The following IGSF1 variants were observed in gnomAD, a reference collection of about 807,000 sequenced individuals.
The protein encoded by IGSF1 is immunoglobulin superfamily member 1, also known as immunoglobulin-like domain-containing protein 1.
In IGSF1, 40 loss-of-function variants were observed where a neutral mutation model predicts 95.3. That is an observed-to-expected ratio of 0.42 (90% CI 0.33 to 0.55). The LOEUF (loss-of-function observed/expected upper bound fraction) is 0.55, where lower values mean the gene tolerates loss of function less well. Ranked by LOEUF, IGSF1 falls within the 20% of genes least tolerant of loss-of-function variation. The pLI, the probability that IGSF1 is intolerant of heterozygous loss-of-function variation, is 0.10. For synonymous variants in IGSF1, 372 were observed against 382.9 expected (o/e 0.97, Z 0.33); for missense variants, 906 against 1,025.4 (o/e 0.88, Z 1.59).
chrX:131,275,437 T>G lies in IGSF1; in HGVS notation c.3184+41A>C, dbSNP rs778583116. 5.5e-5 allele frequency: 65 copies of G among 1,184,096 alleles called. No individual in the cohort carries two copies. In the South Asian group the frequency reaches 1.2e-3, roughly 21 times the overall value. On this transcript the variant is annotated intron_variant, in intron 16 of 19. Coordinates refer to ENST00000361420, the MANE Select transcript of IGSF1 (RefSeq NM_001555.5). Reference sequence around the variant, plus strand: ...CCCATGAACTAGTCTATTCCCTCCTTTCTACACTTCCATGCCCACTCGACA... The same window carrying G: ...CCCATGAACTAGTCTATTCCCTCCTGTCTACACTTCCATGCCCACTCGACA...
intron 3 of IGSF1, 149 bp downstream of exon 3, chrX:131,286,288 C>T: frequency 1.8e-6 from 1 of 549,570 alleles, no homozygotes; most frequent in Non-Finnish European, 3.0e-6. Context: ...AAAGCTTTTT[C>T]ACCATGCCAT....
rs376358533 is a variant in IGSF1, at chrX:131,279,202, C to G, written c.1718-27G>C. ...TGCAAAAGAAATTGCTGCCAGGACT[C>G]GGCCCCCTCCCCCACCGGGACTTCA... On this transcript the variant is annotated intron_variant, in intron 10 of 19. Transcript: ENST00000361420. 3.6e-5 allele frequency: 44 copies of G among 1,208,781 alleles called. No individual in the cohort carries two copies. The highest frequency in any genetic ancestry group is 4.5e-5 in the Non-Finnish European group (40 of 894,043).
rs769568035 is a variant in IGSF1, at chrX:131,278,423, C to G, written c.2041+38G>C. The stretch of plus-strand genomic sequence containing the variant: ...GAGCAGTGTTGGAGTCCCAGGGGCA[C>G]TGGGGATAACTCCCGGAGACCCTCT... On this transcript the variant is annotated intron_variant, in intron 12 of 19. Coordinates refer to ENST00000361420, the MANE Select transcript of IGSF1 (RefSeq NM_001555.5). The G allele has an allele frequency of 3.6e-6, 4 of 1,126,228 alleles. No homozygotes were observed. The African/African-American group carries it at 5.5e-5, about 15-fold the overall frequency. The allele number at this position is 1,126,228 out of a possible 1,213,427, so 92.8% of individuals were successfully genotyped here.
rs770756120 is a variant in IGSF1, at chrX:131,276,425, TTTAA to T, written c.2609-181_2609-178del. On this transcript the variant is annotated intron_variant, in intron 14 of 19. Coordinates refer to ENST00000361420, the MANE Select transcript of IGSF1 (RefSeq NM_001555.5). ...CACTCAAAGATAAATATTTTTAATA[TTTAA>T]TTGCCATTTATTCTTTCCATATATT... Among the ~76,000 whole-genome samples the T allele has an allele frequency of 1.1e-3, 100 of 90,804 alleles. 1 individual carries two copies. Among genetic ancestry groups the T allele is most frequent in the Non-Finnish European group, 8.4e-4 (37 of 43,899 alleles). 78.9% of individuals were successfully genotyped at this position (90,804 alleles called of 115,157 possible).
intron 9 of IGSF1, among the ~76,000 whole-genome samples, chrX:131,280,308 C>T (rs1349240974): frequency 1.8e-5 from 2 of 111,636 alleles, no homozygotes; most frequent in African/African-American, 6.5e-5. Context: ...CTTCTGATTG[C>T]CCAAGTATTC....
In IGSF1 at chrX:131,282,562, T is replaced by A; in HGVS notation, c.1128A>T (p.Ser376=). ...TGTAGGTTACATTGTTGAGGAAGAA[T>A]GATGTGTTGTCATCGATGCTGGTGG... The part of the protein sequence containing the change: ...LDATSIDDNT[S]FFLNNVTYSD... The change falls in exon 7 of 20, where the codon TCA becomes TCT. Residue 376 remains serine (S), a synonymous_variant. Coordinates refer to ENST00000361420, the MANE Select transcript of IGSF1 (RefSeq NM_001555.5). 8.3e-7 allele frequency: 1 copy of A among 1,210,480 alleles called. No homozygotes were observed. Among genetic ancestry groups the A allele is most frequent in the Non-Finnish European group, 1.1e-6 (1 of 894,377 alleles).
At chrX:131,288,827 C>CT (rs1333225688) in intron 1 of IGSF1, among the ~76,000 whole-genome samples, 5 of 108,806 alleles carry the variant, frequency 4.6e-5, no homozygotes, top group Non-Finnish European at 7.6e-5. Context: ...TTTCCCCACC[C>CT]TTAGGCAGCG....
chrX:131,277,234 G>T lies in IGSF1; in HGVS notation c.2321-8C>A. 1 of 1,146,396 alleles carries T rather than the reference G, an allele frequency of 8.7e-7. No individual in the cohort carries two copies. Among genetic ancestry groups the T allele is most frequent in the Admixed American group, 2.9e-5 (1 of 34,448 alleles). The allele number at this position is 1,146,396 out of a possible 1,213,427, so 94.5% of individuals were successfully genotyped here. On this transcript the variant is annotated splice_polypyrimidine_tract_variant and splice_region_variant and intron_variant, in intron 13 of 19. Coordinates refer to ENST00000361420, the MANE Select transcript of IGSF1 (RefSeq NM_001555.5). The stretch of plus-strand genomic sequence containing the variant: ...AGGGCTTAGGGTACATTTCTAGAAG[G>T]CAAAAAACAAAAACAAAAACAAAAA...
Position 131,275,281 on chromosome X carries a change from G to A in IGSF1, c.3190C>T (p.Leu1064Phe), listed in dbSNP as rs1322638814. Reference sequence around the variant, plus strand: ...TGGGCTAATAGGCTGGGTTTGGGGAGTAAGCCTGGAAGAAATGAACTCCTG... The same window carrying A: ...TGGGCTAATAGGCTGGGTTTGGGGAATAAGCCTGGAAGAAATGAACTCCTG... ...NTLELLVTGL[L>F]PKPSLLAQPG... is the part of the protein sequence containing the mutation. The change falls in exon 17 of 20, where the codon CTC becomes TTC. Residue 1064 changes from leucine (L) to phenylalanine (F), a missense_variant. Coordinates refer to ENST00000361420, the MANE Select transcript of IGSF1 (RefSeq NM_001555.5). 6 of 1,210,424 alleles carry A rather than the reference G, an allele frequency of 5.0e-6. No homozygotes were observed. The South Asian group carries it at 1.1e-4, about 21-fold the overall frequency.
chrX:131,278,860 C>G lies in IGSF1; in HGVS notation c.1751-109G>C, dbSNP rs749700799. On this transcript the variant is annotated intron_variant, in intron 11 of 19. Coordinates refer to ENST00000361420, the MANE Select transcript of IGSF1 (RefSeq NM_001555.5). The stretch of plus-strand genomic sequence containing the variant: ...ACACTGCCCACCTCCCCTTGCAACC[C>G]AAATCCAAACCCTTTCCTTCTTTCC... 5 of 724,357 alleles carry G rather than the reference C, an allele frequency of 6.9e-6. No homozygotes were observed. In the South Asian group the frequency reaches 1.0e-4, roughly 15 times the overall value. The allele number at this position is 724,357 out of a possible 1,213,427, so 59.7% of individuals were successfully genotyped here. A position where few individuals can be genotyped will look rare whatever the true frequency, so the allele number is the denominator to read the frequency against.
intron 1 of IGSF1, 29 bp from the exon 2 acceptor site, chrX:131,286,770 G>A: frequency 1.4e-6 from 1 of 709,980 alleles, no homozygotes; most frequent in Non-Finnish European, 2.0e-6. Context: ...TTACTCAGAG[G>A]ACTTGTCCTG....
At chrX:131,281,055 C>A (rs2080551074) in intron 9 of IGSF1, 163 bp downstream of exon 9, 6 of 533,924 alleles carry the variant, frequency 1.1e-5, no homozygotes, top group Non-Finnish European at 1.9e-5. Context: ...GCTGACCCCT[C>A]TGTGAGGCGA....
At chrX:131,285,047 A>C (rs1490553750) in intron 5 of IGSF1, 132 bp downstream of exon 5, 1 of 1,054,734 alleles carries the variant, frequency 9.5e-7, no homozygotes, top group East Asian at 3.3e-5. Context: ...AAAACTTCAA[A>C]CGACTGTAGC....
rs1486241685 is a variant in IGSF1, at chrX:131,276,166, C to G, written c.2691G>C (p.Gly897=). 1 of 1,209,721 alleles carries G rather than the reference C, an allele frequency of 8.3e-7. No individual in the cohort carries two copies. The highest frequency in any genetic ancestry group is 2.2e-5 in the Admixed American group (1 of 45,758). The change falls in exon 15 of 20, where the codon GGG becomes GGC. Residue 897 remains glycine, a synonymous_variant. Coordinates refer to ENST00000361420, the MANE Select transcript of IGSF1 (RefSeq NM_001555.5). ...GGGCGAACCTCATGCCCTGGAAAGT[C>G]CCTTGGCAGCGCAGGATCACACTCT... The part of the protein sequence containing the change: ...PGKSVILRCQ[G]TFQGMRFALL...
At chrX:131,276,355 T>A in intron 14 of IGSF1, 107 bp from the exon 15 acceptor site, 1 of 593,576 alleles carries the variant, frequency 1.7e-6, no homozygotes, top group Non-Finnish European at 2.5e-6. Flanking sequence ...TGTTAAAAAT[T>A]AGAAAATATA....
intron 5 of IGSF1, 35 bp from the exon 6 acceptor site, chrX:131,283,299 G>A (rs1202352031): frequency 9.0e-7 from 1 of 1,109,671 alleles, no homozygotes; most frequent in Non-Finnish European, 1.2e-6. Context: ...TTAGAGGCAA[G>A]ATGATTCTTT....
chrX:131,288,933 C>T (rs979747868), intron 1 of IGSF1: 1 of 229,090 alleles, frequency 4.4e-6, no homozygotes, highest in Non-Finnish European at 8.2e-6. Flanking sequence ...TTGGGCTCGG[C>T]GGGGTGCCGG....
chrX:131,282,010 T>C, intron 7 of IGSF1, 66 bp from the exon 8 acceptor site: 12 of 999,635 alleles, frequency 1.2e-5, no homozygotes, highest in Non-Finnish European at 1.6e-5. Context: ...CCCCAGAAAA[T>C]GTTTCTGAGC....
Position 131,279,194 on chromosome X carries a change from C to T in IGSF1, c.1718-19G>A. ...CACAGTCCTGCAAAAGAAATTGCTG[C>T]CAGGACTCGGCCCCCTCCCCCACCG... On this transcript the variant is annotated intron_variant, in intron 10 of 19. Coordinates refer to ENST00000361420, the MANE Select transcript of IGSF1 (RefSeq NM_001555.5). 8.3e-7 allele frequency: 1 copy of T among 1,211,007 alleles called. No homozygotes were observed. The highest frequency in any genetic ancestry group is 1.8e-5 in the South Asian group (1 of 56,955).
Sources: allele counts gnomAD v4.1 joint callset (sites outside exome capture counted in the v4.1 genomes callset), GRCh38; gene constraint gnomAD v4.1.1; transcripts MANE v1.5; gene names NCBI Gene and HGNC (gene_info 2026-07-23, HGNC 2026-07-21).